The following KDM2B variants were observed in gnomAD, a reference collection of about 807,000 sequenced individuals.
The protein encoded by KDM2B is lysine demethylase 2B, also known as lysine-specific demethylase 2B.
A neutral mutation model predicts 150.0 loss-of-function variants in KDM2B; 26 were observed. The observed-to-expected ratio is 0.17, with a 90% CI of 0.13 to 0.24. The LOEUF is 0.24. KDM2B is among the 10% of genes least tolerant of loss of function. The pLI is 1.00. For missense variants in KDM2B, 1,265 were observed against 1,816.9 expected, an observed-to-expected ratio of 0.70 and a Z score of 5.52; for synonymous variants, 734 against 729.5, an observed-to-expected ratio of 1.01 and a Z score of -0.10.
chr12:121,443,803 G>A lies in KDM2B; in HGVS notation c.2452-10C>T, dbSNP rs372162661. 9.8e-6 allele frequency: 15 copies of A among 1,531,166 alleles called. No individual in the cohort carries two copies. The Admixed American group carries it at 1.8e-4, about 18-fold the overall frequency. 94.8% of individuals were successfully genotyped at this position (1,531,166 alleles called of 1,614,324 possible). On this transcript the variant is annotated splice_polypyrimidine_tract_variant and intron_variant, in intron 16 of 22. Coordinates refer to ENST00000377071, the MANE Select transcript of KDM2B (RefSeq NM_032590.5). ...TTTGAAGCGATGAGGCCTAAAGGGG[G>A]GTGGAGTGGGAAGAGGAGTGACTCG...
At chr12:121,434,615 C>G (rs1350350939) in intron 22 of KDM2B, among the ~76,000 whole-genome samples, 2 of 150,958 alleles carry the variant, frequency 1.3e-5, no homozygotes, top group Non-Finnish European at 3.0e-5. Flanking sequence ...AATAAATAAT[C>G]TTTTCAATAA....
intron 12 of KDM2B, among the ~76,000 whole-genome samples, chr12:121,482,878 T>C (rs1882308475): frequency 6.6e-6 from 1 of 152,022 alleles, no homozygotes; most frequent in African/African-American, 2.4e-5. Context: ...AAGGAAAACG[T>C]TATTGGGCCA....
chr12:121,477,989 C>T (rs561196322), intron 12 of KDM2B, among the ~76,000 whole-genome samples: 2 of 152,106 alleles, frequency 1.3e-5, no homozygotes, highest in South Asian at 2.1e-4. Context: ...GGGATCCTCC[C>T]GTCTCAGCCT....
In KDM2B at chr12:121,443,008, T is replaced by C; in HGVS notation, c.2588A>G (p.Lys863Arg). The change falls in exon 18 of 23, where the codon AAG becomes AGG. Residue 863 changes from lysine to arginine, a missense_variant. Transcript: ENST00000377071. ...AGATGGTACCTTTTTCCTGAAAAGC[T>C]TATCTTCTTTGCCAGGTTTGAGCTG... ...QQQLKPGKED[K>R]LFRKKRRSWK... 1 of 1,613,368 alleles carries C rather than the reference T, an allele frequency of 6.2e-7. No homozygotes were observed. The highest frequency in any genetic ancestry group is 8.5e-7 in the Non-Finnish European group (1 of 1,179,706).
intron 9 of KDM2B, among the ~76,000 whole-genome samples, chr12:121,519,906 T>C (rs1264073187): frequency 2.0e-5 from 3 of 152,188 alleles, no homozygotes; most frequent in African/African-American, 7.2e-5. Flanking sequence ...CTTTGTTTTT[T>C]AGTATGAGAC....
chr12:121,560,787 G>A (rs1041313132), intron 4 of KDM2B, among the ~76,000 whole-genome samples: 1 of 152,158 alleles, frequency 6.6e-6, no homozygotes, highest in Non-Finnish European at 1.5e-5. Flanking sequence ...TAAGCAAGAG[G>A]TTTGGCACCG....
chr12:121,505,442 G>A (rs1462272120), intron 11 of KDM2B, among the ~76,000 whole-genome samples: 1 of 151,752 alleles, frequency 6.6e-6, no homozygotes, highest in African/African-American at 2.4e-5. Flanking sequence ...GGCTCAAGAT[G>A]AGCCTGGGCA....
At chr12:121,580,256 G>T (rs567669968) in intron 1 of KDM2B, 54 of 1,276,718 alleles carry the variant, frequency 4.2e-5, no homozygotes, top group South Asian at 8.0e-5. Context: ...CAGTTGTGGG[G>T]GGGGGGAGGC....
Position 121,445,375 on chromosome 12 carries a change from G to C in KDM2B, c.2003C>G (p.Ala668Gly), listed in dbSNP as rs1342475521. The change falls in exon 14 of 23, where the codon GCG (alanine) becomes GGG (glycine). Residue 668 changes from alanine to glycine, a missense_variant. Ala to Gly is a moderately conservative substitution (Grantham distance 60). This residue lies in a region of KDM2B where 30 missense variants were observed against 32.0 expected (regional missense o/e 0.94). Coordinates refer to ENST00000377071, the MANE Select transcript of KDM2B (RefSeq NM_032590.5). ...HTAVCLVCGE[A>G]GKEDTVEEEE... Reference sequence around the variant, plus strand: ...CTCTTCCACCGTGTCTTCCTTCCCCGCCTCGCCACACACAAGGCACACGGC... The same window carrying C: ...CTCTTCCACCGTGTCTTCCTTCCCCCCCTCGCCACACACAAGGCACACGGC... The C allele has an allele frequency of 6.2e-7, 1 of 1,610,024 alleles. No homozygotes were observed. Among genetic ancestry groups the C allele is most frequent in the South Asian group, 1.1e-5 (1 of 90,432 alleles).
At chr12:121,488,563 G>A (rs1555299374) in intron 12 of KDM2B, among the ~76,000 whole-genome samples, 1 of 152,168 alleles carries the variant, frequency 6.6e-6, no homozygotes, top group African/African-American at 2.4e-5. Flanking sequence ...CCCCAAAAAT[G>A]CATCCGAGTA....
Position 121,538,928 on chromosome 12 carries a change from C to T in KDM2B, c.684-4338G>A, listed in dbSNP as rs984142834. ...AACCTCCAGCTGCAGGTGGTGATCC[C>T]GCTCAAATCAGAAGTCCCACACTCA... is the stretch of plus-strand genomic sequence containing the variant. On this transcript the variant is annotated intron_variant, in intron 6 of 22. Coordinates refer to ENST00000377071, the MANE Select transcript of KDM2B (RefSeq NM_032590.5). Among the ~76,000 whole-genome samples, 194 of 151,974 alleles carry T rather than the reference C, an allele frequency of 1.3e-3. 1 individual carries two copies. The highest frequency in any genetic ancestry group is 3.1e-4 in the Non-Finnish European group (21 of 68,018).
rs1555303480 is a variant in KDM2B, at chr12:121,509,548, A to G, written c.1647+19T>C. ...CGGCCCTCCTCGGCCGCCCAGCCCCAGACGCCACTCCTGCCCACCTTCACA... is the reference window on the plus strand; with the variant it reads ...CGGCCCTCCTCGGCCGCCCAGCCCCGGACGCCACTCCTGCCCACCTTCACA... On this transcript the variant is annotated intron_variant, in intron 11 of 22. Transcript: ENST00000377071. 1 of 1,607,056 alleles carries G rather than the reference A, an allele frequency of 6.2e-7. No homozygotes were observed. The highest frequency in any genetic ancestry group is 1.1e-5 in the South Asian group (1 of 90,686).
At chr12:121,431,879 C>CTTTTT (rs77237915) in intron 22 of KDM2B, among the ~76,000 whole-genome samples, 1 of 122,398 alleles carries the variant, frequency 8.2e-6, no homozygotes, top group Non-Finnish European at 1.6e-5. Context: ...TTTCTTTTTT[C>CTTTTT]TTTTTTTTTT....
chr12:121,574,349 C>T, intron 4 of KDM2B, 198 bp downstream of exon 4: 1 of 528,428 alleles, frequency 1.9e-6, no homozygotes, highest in Non-Finnish European at 3.4e-6. Flanking sequence ...GGCAAACGCC[C>T]TCTGATACAG....
At chr12:121,494,889 C>T (rs1883746507) in intron 11 of KDM2B, among the ~76,000 whole-genome samples, 2 of 152,270 alleles carry the variant, frequency 1.3e-5, no homozygotes, top group East Asian at 3.9e-4. Context: ...ATTTCTTTAA[C>T]AAAGCAAATC....
chr12:121,411,547 A>G, the KDM2B span, among the ~76,000 whole-genome samples: 2 of 152,208 alleles, frequency 1.3e-5, no homozygotes, highest in African/African-American at 4.8e-5. Flanking sequence ...CAAAGGTCAT[A>G]ATCTCTGACA....
Position 121,444,174 on chromosome 12 carries a change from A to G in KDM2B, c.2289T>C (p.Pro763=), listed in dbSNP as rs549167927. The G allele has an allele frequency of 1.9e-6, 3 of 1,612,728 alleles. No homozygotes were observed. The African/African-American group carries it at 4.0e-5, about 21-fold the overall frequency. ...MNRDNKEGQE[P]AKRRSECEEA... ...CCTCACACTCACTCCTCCGCTTGGC[A>G]GGTTCCTGCCCTTCCTTGTTGTCCC... The change falls in exon 16 of 23, where the codon CCT becomes CCC. Residue 763 remains proline (P), a synonymous_variant. Transcript: ENST00000377071.
In KDM2B at chr12:121,430,229, T is replaced by C; in HGVS notation, c.*59A>G. 2 of 1,614,148 alleles carry C rather than the reference T, an allele frequency of 1.2e-6. No individual in the cohort carries two copies. The highest frequency in any genetic ancestry group is 1.7e-6 in the Non-Finnish European group (2 of 1,180,024). ...TCCAAATGGAAAATAAAAGCCCTCA[T>C]TTTTGTAAAGTCTCTCCCCTCCCAG... On this transcript the variant is annotated 3_prime_UTR_variant, in exon 23 of 23. Transcript: ENST00000377071. This position sits in a 1 kb window ranked among gnomAD's most constrained non-coding sequence, Gnocchi z 4.4.
chr12:121,512,768 G>A (rs1885701043), intron 10 of KDM2B, among the ~76,000 whole-genome samples: 1 of 152,220 alleles, frequency 6.6e-6, no homozygotes, highest in South Asian at 2.1e-4. Context: ...GGGCGCTGCA[G>A]CGGCTCCAAA....
Sources: allele counts gnomAD v4.1 joint callset (sites outside exome capture counted in the v4.1 genomes callset), GRCh38; gene constraint gnomAD v4.1.1; regional missense constraint gnomAD v4.1.1; non-coding constraint Gnocchi (gnomAD v3.1); transcripts MANE v1.5; gene names NCBI Gene and HGNC (gene_info 2026-07-23, HGNC 2026-07-21).